NFIA: variants seen among roughly 807,000 people sequenced by gnomAD.
NFIA encodes nuclear factor 1 A-type.
A neutral mutation model predicts 62.8 loss-of-function variants in NFIA; 8 were observed. The ratio of observed to expected loss-of-function variants is 0.13; its 90% CI spans 0.07 to 0.23. NFIA has a LOEUF of 0.23. Among genes scored for constraint, NFIA ranks in the 10% least tolerant of loss-of-function variants. The pLI is 1.00. For synonymous variants in NFIA, 235 were observed against 238.1 expected (o/e 0.99, Z 0.12); for missense variants, 410 against 642.1 (o/e 0.64, Z 3.91).
intron 9 of NFIA, among the ~76,000 whole-genome samples, chr1:61,410,643 C>T (rs1226616593): frequency 2.6e-5 from 4 of 152,160 alleles, no homozygotes; most frequent in African/African-American, 4.8e-5. Context: ...TGGCTCACAC[C>T]TGTAGACCCA....
chr1:61,385,828 G>GT (rs1232318337), intron 7 of NFIA: 3 of 152,220 alleles, frequency 2.0e-5, no homozygotes, highest in African/African-American at 7.2e-5. Flanking sequence ...AAGATGCCTA[G>GT]TGTAAGAATT....
chr1:61,221,318 T>C (rs574042323), intron 2 of NFIA, among the ~76,000 whole-genome samples: 22 of 152,250 alleles, frequency 1.4e-4, no homozygotes, highest in Admixed American at 7.8e-4. Context: ...TACACTTTGG[T>C]GTCAGGGTTT....
rs774174809 is a variant in NFIA, at chr1:61,455,294, G to A, written c.1513-9G>A. 91 of 1,612,598 alleles carry A rather than the reference G, an allele frequency of 5.6e-5. No homozygotes were observed. In the Middle Eastern group the frequency reaches 1.2e-3, roughly 20 times the overall value. ...TGATTTTAATTGTATTTTTCCTTTTGTCTTCCAGTCCTGGTACCTGGGATA... is the reference window on the plus strand; with the variant it reads ...TGATTTTAATTGTATTTTTCCTTTTATCTTCCAGTCCTGGTACCTGGGATA... On this transcript the variant is annotated splice_polypyrimidine_tract_variant and intron_variant, in intron 10 of 10. Coordinates refer to ENST00000403491, the MANE Select transcript of NFIA (RefSeq NM_001134673.4).
chr1:61,283,725 G>A (rs1658309373), intron 3 of NFIA, among the ~76,000 whole-genome samples: 1 of 151,036 alleles, frequency 6.6e-6, no homozygotes, highest in African/African-American at 2.4e-5. Flanking sequence ...TAAAAATTGT[G>A]GGCCTTCTTG....
chr1:61,113,759 A>G (rs1214903226), intron 2 of NFIA, among the ~76,000 whole-genome samples: 8 of 152,134 alleles, frequency 5.3e-5, no homozygotes, highest in African/African-American at 1.7e-4. Flanking sequence ...GGTGGAGAGA[A>G]GAGTTGGAGA....
intron 9 of NFIA, among the ~76,000 whole-genome samples, chr1:61,407,158 T>C (rs1665881582): frequency 6.6e-6 from 1 of 152,122 alleles, no homozygotes; most frequent in South Asian, 2.1e-4. Flanking sequence ...ATACATCAAA[T>C]AGGAGAAAAT....
intron 2 of NFIA, among the ~76,000 whole-genome samples, chr1:61,214,957 CAAGG>C (rs1192397240): frequency 6.6e-6 from 1 of 152,116 alleles, no homozygotes; most frequent in East Asian, 1.9e-4. Flanking sequence ...CTGCAGAGAT[CAAGG>C]AATACACTCT....
At chr1:61,445,322 C>T (rs756603770) in intron 10 of NFIA, among the ~76,000 whole-genome samples, 4 of 152,104 alleles carry the variant, frequency 2.6e-5, no homozygotes, top group Non-Finnish European at 4.4e-5. Context: ...CCAACCGCAG[C>T]CCCATCAAGA....
At chr1:61,203,687 T>C (rs1652690009) in intron 2 of NFIA, among the ~76,000 whole-genome samples, 1 of 152,192 alleles carries the variant, frequency 6.6e-6, no homozygotes, top group Admixed American at 6.5e-5. Flanking sequence ...TAGTTGTTTG[T>C]GTGTAAGGAG....
At chr1:61,099,339 A>G (rs1646470424) in intron 2 of NFIA, among the ~76,000 whole-genome samples, 1 of 152,132 alleles carries the variant, frequency 6.6e-6, no homozygotes. Context: ...AGGAACATAG[A>G]TTCATATTTT....
Position 61,258,206 on chromosome 1 carries a change from C to T in NFIA, c.560-19314C>T, listed in dbSNP as rs529286059. On this transcript the variant is annotated intron_variant, in intron 2 of 10. Transcript: ENST00000403491. ...TTTGGCTAATTTTGGAAACAGCATT[C>T]TCAACTGCAGGTCAGATTTTTAAAA... Among the ~76,000 whole-genome samples the T allele has an allele frequency of 1.2e-4, 19 of 152,244 alleles. No homozygotes were observed. In the South Asian group the frequency reaches 3.3e-3, roughly 27 times the overall value.
chr1:61,325,880 C>T (rs1660906337), intron 3 of NFIA, among the ~76,000 whole-genome samples: 1 of 132,228 alleles, frequency 7.6e-6, no homozygotes, highest in African/African-American at 2.9e-5. Context: ...TTGCAGTGAG[C>T]CGAAATGGCG....
intron 2 of NFIA, among the ~76,000 whole-genome samples, chr1:61,151,537 A>C (rs1648411895): frequency 6.6e-6 from 1 of 152,148 alleles, no homozygotes. Context: ...AGAAGAAATC[A>C]GGGAAAAGGA....
chr1:61,395,124 G>A (rs903189720), intron 7 of NFIA, among the ~76,000 whole-genome samples: 6 of 151,954 alleles, frequency 3.9e-5, no homozygotes, highest in African/African-American at 9.7e-5. Flanking sequence ...GAGAGAGAGA[G>A]AAAAGTAGCC....
upstream of NFIA, chr1:61,081,795 C>T: frequency 1.5e-6 from 2 of 1,373,368 alleles, no homozygotes; most frequent in Non-Finnish European, 2.0e-6. Context: ...ACAAAGTTTG[C>T]AGGATTGTGT....
intron 2 of NFIA, among the ~76,000 whole-genome samples, chr1:61,209,673 A>G: frequency 1.1e-5 from 1 of 88,586 alleles, no homozygotes; most frequent in East Asian, 3.8e-4. Flanking sequence ...AAAATACAAC[A>G]ACAACAACAA....
intron 2 of NFIA, among the ~76,000 whole-genome samples, chr1:61,180,926 C>T (rs185056609): frequency 3.3e-5 from 5 of 152,286 alleles, no homozygotes; most frequent in East Asian, 3.9e-4. Flanking sequence ...TCATCTTAAA[C>T]CCATTGGAAG....
At chr1:61,235,516 T>TAAA (rs200539366) in intron 2 of NFIA, among the ~76,000 whole-genome samples, 4 of 142,604 alleles carry the variant, frequency 2.8e-5, no homozygotes, top group Non-Finnish European at 3.0e-5. Context: ...AAATAAAAAA[T>TAAA]AAAAAAAAAT....
intron 2 of NFIA, among the ~76,000 whole-genome samples, chr1:61,272,679 C>T (rs1657584936): frequency 6.6e-6 from 1 of 152,116 alleles, no homozygotes; most frequent in Non-Finnish European, 1.5e-5. Flanking sequence ...AGGGTAACTG[C>T]TTATTACACT....
Sources: allele counts gnomAD v4.1 joint callset (sites outside exome capture counted in the v4.1 genomes callset), GRCh38; gene constraint gnomAD v4.1.1; transcripts MANE v1.5; gene names NCBI Gene and HGNC (gene_info 2026-07-23, HGNC 2026-07-21).